The following MTRFR variants were observed in gnomAD, a reference collection of about 807,000 sequenced individuals.
MTRFR encodes mitochondrial translation release factor in rescue, also known as probable peptide chain release factor C12orf65, mitochondrial.
MTRFR carries 10 observed loss-of-function variants against 11.9 expected under a neutral mutation model. The observed-to-expected ratio is 0.84, with a 90% CI of 0.52 to 1.42. MTRFR has a LOEUF of 1.42. Among genes scored for constraint, MTRFR ranks in the 40% most tolerant of loss-of-function variants. The probability of loss-of-function intolerance (pLI) is 0.00; values close to 1 mark genes in which losing one functional copy is unlikely to be tolerated. For synonymous variants in MTRFR, 77 were observed against 79.1 expected (o/e 0.97, Z 0.14); for missense variants, 196 against 197.9 (o/e 0.99, Z 0.06).
rs576685763 is a variant in MTRFR at position 123,257,237 on chromosome 12, G to A, written c.*206G>A. Reference sequence around the variant, plus strand: ...CAAGAATAAAACTCGGCTGGGCACGGTGGACGGTGCCTCACATCTGTAATC... The same window carrying A: ...CAAGAATAAAACTCGGCTGGGCACGATGGACGGTGCCTCACATCTGTAATC... On this transcript the variant is annotated 3_prime_UTR_variant, in exon 3 of 3. Transcript: ENST00000253233. 2.1e-4 allele frequency: 114 copies of A among 543,332 alleles called. 2 individuals carry two copies. The South Asian group carries it at 2.3e-3, about 11-fold the overall frequency. The allele number at this position is 543,332 out of a possible 1,614,324, so 33.7% of individuals were successfully genotyped here. A position where few individuals can be genotyped will look rare whatever the true frequency, so the allele number is the denominator to read the frequency against.
chr12:123,253,246 G>T, intron 1 of MTRFR: 1 of 241,762 alleles, frequency 4.1e-6, no homozygotes, highest in Non-Finnish European at 8.2e-6. Flanking sequence ...CATCATCTTG[G>T]CCAGGCTGGT....
At chr12:123,241,946 T>G (rs1171959267) in intron 1 of MTRFR, among the ~76,000 whole-genome samples, 2 of 152,214 alleles carry the variant, frequency 1.3e-5, no homozygotes, top group East Asian at 3.9e-4. Context: ...ATGAGGGGCA[T>G]AGAAAGTTTG....
intron 1 of MTRFR, chr12:123,243,990 A>T (rs1332956413): frequency 6.6e-6 from 1 of 152,326 alleles, no homozygotes; most frequent in Non-Finnish European, 1.5e-5. Flanking sequence ...GGCTGGGAGC[A>T]AAGCTGTGGA....
At chr12:123,236,775 C>T (rs1055590188) in intron 1 of MTRFR, among the ~76,000 whole-genome samples, 1 of 151,908 alleles carries the variant, frequency 6.6e-6, no homozygotes, top group African/African-American at 2.4e-5. Flanking sequence ...TTATAAAGTT[C>T]CCGTTAGATG....
Position 123,257,025 on chromosome 12 carries a change from C to T in MTRFR, c.495C>T (p.Val165=). The change falls in exon 3 of 3, where the codon GTC becomes GTT. Residue 165 remains valine, a synonymous_variant. Transcript: ENST00000253233. Reference sequence around the variant, plus strand: ...AACTGTGGGAGTCAAGTAAAAAGGTCCACTGAGAAAAGAATTAGAGATTCC... The same window carrying T: ...AACTGTGGGAGTCAAGTAAAAAGGTTCACTGAGAAAAGAATTAGAGATTCC... The part of the protein sequence containing the change: ...LKELWESSKK[V]H 1 of 1,610,524 alleles carries T rather than the reference C, an allele frequency of 6.2e-7. No individual in the cohort carries two copies. Among genetic ancestry groups the T allele is most frequent in the Non-Finnish European group, 8.5e-7 (1 of 1,178,064 alleles).
At chr12:123,236,228 G>T (rs11057202) in intron 1 of MTRFR, among the ~76,000 whole-genome samples, 89,857 of 152,084 alleles carry the variant, frequency 0.59, 30,811 homozygotes, top group Non-Finnish European at 0.75. Context: ...TCCAAGATAG[G>T]TCTTACTGAG....
At chr12:123,239,090 G>A (rs1407023105) in intron 1 of MTRFR, among the ~76,000 whole-genome samples, 1 of 152,166 alleles carries the variant, frequency 6.6e-6, no homozygotes. Context: ...GCAACATGGT[G>A]AAACCCCGTC....
chr12:123,256,146 G>A (rs948544174), intron 2 of MTRFR, among the ~76,000 whole-genome samples: 1 of 152,118 alleles, frequency 6.6e-6, no homozygotes, highest in African/African-American at 2.4e-5. Flanking sequence ...ATGAGTTATG[G>A]CTGACTAATA....
chr12:123,241,327 T>G (rs12817168), intron 1 of MTRFR, among the ~76,000 whole-genome samples: 1 of 151,766 alleles, frequency 6.6e-6, no homozygotes, highest in Non-Finnish European at 1.5e-5. Context: ...TATTTTACTG[T>G]TTTTTGTTGT....
At chr12:123,236,835 G>C (rs373680615) in intron 1 of MTRFR, among the ~76,000 whole-genome samples, 58 of 152,072 alleles carry the variant, frequency 3.8e-4, no homozygotes, top group Middle Eastern at 6.8e-3. Flanking sequence ...ACACCTCTCA[G>C]CACTTTGAGA....
At chr12:123,244,082 G>C (rs2047995009) in intron 1 of MTRFR, 1 of 152,094 alleles carries the variant, frequency 6.6e-6, no homozygotes, top group Admixed American at 6.6e-5. Context: ...CAGTTTATGA[G>C]GTTTCAAACA....
At chr12:123,245,022 A>ACTGCAACC (rs1335063699) in intron 1 of MTRFR, among the ~76,000 whole-genome samples, 1 of 133,542 alleles carries the variant, frequency 7.5e-6, no homozygotes, top group Non-Finnish European at 1.5e-5. Flanking sequence ...ATCTCAGCTC[A>ACTGCAACC]CTGCAACCTC....
At chr12:123,236,127 A>T (rs1179650772) in intron 1 of MTRFR, among the ~76,000 whole-genome samples, 10 of 152,198 alleles carry the variant, frequency 6.6e-5, no homozygotes, top group Admixed American at 6.6e-4. Context: ...ACATTGCCTA[A>T]GAAACTGGAA....
At chr12:123,235,839 G>A (rs1194233364) in intron 1 of MTRFR, among the ~76,000 whole-genome samples, 3 of 151,896 alleles carry the variant, frequency 2.0e-5, no homozygotes, top group Non-Finnish European at 2.9e-5. Flanking sequence ...CGAGGCAAGC[G>A]GATCGCTTGA....
At chr12:123,249,411 CA>C (rs1446286416) in intron 1 of MTRFR, 1 of 152,520 alleles carries the variant, frequency 6.6e-6, no homozygotes, top group African/African-American at 2.4e-5. Flanking sequence ...GGGAGCAGGG[CA>C]GGGGGAGGGG....
At chr12:123,246,988 C>T (rs2048052211) in intron 1 of MTRFR, among the ~76,000 whole-genome samples, 1 of 151,916 alleles carries the variant, frequency 6.6e-6, no homozygotes, top group Admixed American at 6.6e-5. Context: ...CTCGGCCTCC[C>T]AAAGTGCTGG....
At chr12:123,252,569 C>G (rs553746191) in intron 1 of MTRFR, 1 of 148,140 alleles carries the variant, frequency 6.8e-6, no homozygotes, top group South Asian at 2.2e-4. Flanking sequence ...ACAATCATGA[C>G]ATTGATTGAT....
chr12:123,233,123 C>T (rs1169213441), upstream of MTRFR: 1 of 143,082 alleles, frequency 7.0e-6, no homozygotes, highest in Admixed American at 7.3e-5. Context: ...AGCGGCCTCT[C>T]GCGACCGTTA....
intron 1 of MTRFR, among the ~76,000 whole-genome samples, chr12:123,253,082 T>TA (rs1405207408): frequency 1.3e-5 from 1 of 78,434 alleles, no homozygotes; most frequent in Non-Finnish European, 3.0e-5. Flanking sequence ...TTTTTTTTTT[T>TA]TTTTTTTTTT....
Sources: gnomAD v4.1 joint callset for allele counts (sites outside exome capture counted in the v4.1 genomes callset) on GRCh38, gnomAD v4.1.1 for gene constraint, MANE v1.5 for transcripts, NCBI Gene and HGNC (gene_info 2026-07-23, HGNC 2026-07-21) for gene names.